Variants in ZNF648 observed in about 807,000 individuals in gnomAD.
The protein encoded by ZNF648 is zinc finger protein 648.
A neutral mutation model predicts 0.3 loss-of-function variants in ZNF648; 1 was observed. The ratio of observed to expected loss-of-function variants is 3.90; its 90% CI spans 1.39 to 18.51. ZNF648 has a LOEUF of 18.51. Ranked by LOEUF, ZNF648 falls within the 30% of genes most tolerant of loss-of-function variation. ZNF648 has a pLI of 0.11. For missense variants in ZNF648, 874 were observed against 769.7 expected (o/e 1.14, Z -1.60); for synonymous variants, 376 against 326.8 (o/e 1.15, Z -1.62).
the ZNF648 span, among the ~76,000 whole-genome samples, chr1:182,069,427 G>GTTCTGCTGCACTGAACGTA: frequency 6.6e-6 from 1 of 152,180 alleles, no homozygotes; most frequent in Non-Finnish European, 1.5e-5. Context: ...AACCAGAGAG[G>GTTCTGCTGCACTGAACGTA]ACCTCTCTTC....
At position 182,057,449 on chromosome 1, in the gene ZNF648, A is replaced by G. The variant is rs1316684286; in HGVS notation, c.562T>C (p.Ser188Pro). Residue 188 changes from serine (S) to proline (P), a missense_variant, in exon 2 of 2, where the codon TCT (serine) becomes CCT (proline). Physicochemically the swap from Ser to Pro is moderately conservative, Grantham distance 74. Transcript: ENST00000339948. ...KSVDTSAGNSSLLCFPRPGSN... is the reference protein window; with the variant it reads ...KSVDTSAGNSPLLCFPRPGSN... Reference sequence around the variant, plus strand: ...CCCGGCCTGGGGAAACACAACAGAGAAGAGTTCCCTGCGGACGTGTCTACA... The same window carrying G: ...CCCGGCCTGGGGAAACACAACAGAGGAGAGTTCCCTGCGGACGTGTCTACA... 1 of 1,614,156 alleles carries G rather than the reference A, an allele frequency of 6.2e-7. No homozygotes were observed.
upstream of ZNF648, among the ~76,000 whole-genome samples, chr1:182,065,490 C>T (rs556666307): frequency 5.3e-4 from 81 of 152,270 alleles, no homozygotes; most frequent in African/African-American, 1.8e-3. Context: ...CCGTAACAAC[C>T]GAGTAATTAG....
At position 182,056,740 on chromosome 1, in the gene ZNF648, G is replaced by C; in HGVS notation, c.1271C>G (p.Thr424Ser). Residue 424 changes from threonine to serine, a missense_variant, in exon 2 of 2, where the codon ACC becomes AGC. Thr to Ser is a moderately conservative substitution (Grantham distance 58, BLOSUM62 1). Coordinates refer to ENST00000339948, the MANE Select transcript of ZNF648 (RefSeq NM_001009992.1). ...HSGERPFPCP[T>S]CGKCFTKSSN... ...GGACTTGGTGAAGCACTTGCCGCAG[G>C]TGGGGCAGGGGAAGGGCCGCTCGCC... The C allele has an allele frequency of 6.3e-7, 1 of 1,577,790 alleles. No individual in the cohort carries two copies. Among genetic ancestry groups the C allele is most frequent in the Non-Finnish European group, 8.6e-7 (1 of 1,161,808 alleles).
chr1:182,068,352 T>G, the ZNF648 span: 1 of 152,238 alleles, frequency 6.6e-6, no homozygotes, highest in Non-Finnish European at 1.5e-5. Flanking sequence ...TCAGTGTTTT[T>G]CAGACTGCAG....
the ZNF648 span, among the ~76,000 whole-genome samples, chr1:182,069,567 A>G: frequency 6.6e-6 from 1 of 152,120 alleles, no homozygotes. Context: ...TTTTGCCTAT[A>G]TTGAACAGTA....
chr1:182,057,792 T>C lies in ZNF648; in HGVS notation c.219A>G (p.Pro73=), dbSNP rs1354678991. The change falls in exon 2 of 2, where the codon CCA becomes CCG. Residue 73 remains proline (P), a synonymous_variant. Transcript: ENST00000339948. The stretch of plus-strand genomic sequence containing the variant: ...AGAATTTCTCTTCCTCTTTGCCCAG[T>C]GGATGGGGCCATGGCAAGTCAGGAT... ...HENPDLPWPH[P]LGKEEEKFSD... 6.2e-7 allele frequency: 1 copy of C among 1,614,072 alleles called. No individual in the cohort carries two copies. Among genetic ancestry groups the C allele is most frequent in the Admixed American group, 1.7e-5 (1 of 60,014 alleles).
chr1:182,056,822 A>C lies in ZNF648; in HGVS notation c.1189T>G (p.Cys397Gly), dbSNP rs1013055512. The change falls in exon 2 of 2, where the codon TGC becomes GGC. Residue 397 changes from cysteine to glycine, a missense_variant. Physicochemically the swap from Cys to Gly is radical, Grantham distance 159. Transcript: ENST00000339948. ...CTGGCCACAGCGAACTCCCGGTCGCAGGCGGGGCAGCGGAAGGGCTTGGCG... is the reference window on the plus strand; with the variant it reads ...CTGGCCACAGCGAACTCCCGGTCGCCGGCGGGGCAGCGGAAGGGCTTGGCG... ...LGAKPFRCPA[C>G]DREFAVASRM... 7 of 1,554,506 alleles carry C rather than the reference A, an allele frequency of 4.5e-6. No individual in the cohort carries two copies. The South Asian group carries it at 7.1e-5, about 16-fold the overall frequency.
Position 182,056,602 on chromosome 1 carries a change from T to G in ZNF648, c.1409A>C (p.His470Pro), listed in dbSNP as rs779035121. The G allele has an allele frequency of 7.4e-6, 12 of 1,613,620 alleles. No homozygotes were observed. Among genetic ancestry groups the G allele is most frequent in the Non-Finnish European group, 7.6e-6 (9 of 1,179,806 alleles). Residue 470 changes from histidine to proline, a missense_variant, in exon 2 of 2, where the codon CAC becomes CCC. Transcript: ENST00000339948. Reference sequence around the variant, plus strand: ...GCAAGGAAAGGGCCTCTCGCCAGTGTGGATGCGCTGGTGGCGCACGAGGCG... The same window carrying G: ...GCAAGGAAAGGGCCTCTCGCCAGTGGGGATGCGCTGGTGGCGCACGAGGCG... The part of the protein sequence containing the change: ...PSRLVRHQRI[H>P]TGERPFPCTQ...
chr1:182,064,991 A>C (rs541856511), upstream of ZNF648: 78 of 152,328 alleles, frequency 5.1e-4, no homozygotes, highest in African/African-American at 1.8e-3. Flanking sequence ...TTTATTGAGC[A>C]GTTACTAGTG....
chr1:182,069,241 C>G, the ZNF648 span: 1 of 152,152 alleles, frequency 6.6e-6, no homozygotes, highest in Non-Finnish European at 1.5e-5. Context: ...ATGCGCTGGC[C>G]AGGGTACAAG....
At position 182,057,751 on chromosome 1, in the gene ZNF648, G is replaced by A. The variant is rs778668253; in HGVS notation, c.260C>T (p.Ala87Val). The A allele has an allele frequency of 2.5e-5, 41 of 1,614,086 alleles. No individual in the cohort carries two copies. The South Asian group carries it at 3.6e-4, about 14-fold the overall frequency. ...CACTGGTTTCTGCCCCATGCCCCCA[G>A]CACTGGAGGAGTCAGAGAATTTCTC... Reference protein sequence around the residue: ...EEEKFSDSSSAGGMGQKPVEM... With the variant: ...EEEKFSDSSSVGGMGQKPVEM... Residue 87 changes from alanine (A) to valine (V), a missense_variant, in exon 2 of 2, where the codon GCT becomes GTT. Ala to Val is a moderately conservative substitution (Grantham distance 64). Transcript: ENST00000339948.
At chr1:182,062,670 G>C (rs188233503), upstream of ZNF648, 1 of 152,224 alleles carries the variant, frequency 6.6e-6, no homozygotes, top group Non-Finnish European at 1.5e-5. Flanking sequence ...ACCCAAAAAC[G>C]TTAGCTGCTT....
rs1665918894 is a variant in ZNF648 at position 182,056,684 on chromosome 1, T to C, written c.1327A>G (p.Thr443Ala). Residue 443 changes from threonine to alanine, a missense_variant, in exon 2 of 2, where the codon ACC becomes GCC. Coordinates refer to ENST00000339948, the MANE Select transcript of ZNF648 (RefSeq NM_001009992.1). ...GCGCACTTGAAAGGCCTCTGGCCGG[T>C]GTGCAGCGTCTGGTGCTCGGACAGA... Reference protein sequence around the residue: ...SNLSEHQTLHTGQRPFKCADC... With the variant: ...SNLSEHQTLHAGQRPFKCADC... 3 of 1,603,158 alleles carry C rather than the reference T, an allele frequency of 1.9e-6. No homozygotes were observed. The highest frequency in any genetic ancestry group is 2.2e-5 in the South Asian group (2 of 89,502).
chr1:182,057,484 GCA>G lies in ZNF648; in HGVS notation c.525_526del (p.His177GlnfsTer69), dbSNP rs751596650. 3.2e-5 allele frequency: 52 copies of G among 1,614,076 alleles called. No individual in the cohort carries two copies. The highest frequency in any genetic ancestry group is 8.5e-6 in the Non-Finnish European group (10 of 1,180,028). On this transcript the variant is annotated frameshift_variant, in exon 2 of 2. Coordinates refer to ENST00000339948, the MANE Select transcript of ZNF648 (RefSeq NM_001009992.1). LOFTEE classifies it low-confidence loss of function (END_TRUNC). Reference sequence around the variant, plus strand: ...TGCGGACGTGTCTACACTTTTGTGCGCACAGAGATACTTTCCATTGCTGGGGA... The same window carrying G: ...TGCGGACGTGTCTACACTTTTGTGCGCAGAGATACTTTCCATTGCTGGGGA...
At chr1:182,068,112 G>A in the ZNF648 span, among the ~76,000 whole-genome samples, 1 of 152,192 alleles carries the variant, frequency 6.6e-6, no homozygotes, top group Admixed American at 6.5e-5. Context: ...AGAACCCTCT[G>A]ATCTCTTGTA....
chr1:182,056,441 G>A lies in ZNF648; in HGVS notation c.1570C>T (p.Arg524Ter), dbSNP rs770806968. 1 of 1,614,038 alleles carries A rather than the reference G, an allele frequency of 6.2e-7. No homozygotes were observed. The highest frequency in any genetic ancestry group is 8.5e-7 in the Non-Finnish European group (1 of 1,179,986). Residue 524 changes from arginine (R) to a stop codon, truncating the protein, a stop_gained, in exon 2 of 2, where the codon CGA becomes TGA. Coordinates refer to ENST00000339948, the MANE Select transcript of ZNF648 (RefSeq NM_001009992.1). LOFTEE classifies it low-confidence loss of function (END_TRUNC). ...RIASELAQHI[R>*]MHNGERPYQC... Reference sequence around the variant, plus strand: ...TAGGGCCTCTCTCCGTTGTGCATTCGTATGTGCTGGGCCAACTCAGAGGCA... The same window carrying A: ...TAGGGCCTCTCTCCGTTGTGCATTCATATGTGCTGGGCCAACTCAGAGGCA...
In ZNF648 at chr1:182,056,939, G is replaced by C. The variant is rs1418585835; in HGVS notation, c.1072C>G (p.His358Asp). 2.5e-6 allele frequency: 4 copies of C among 1,612,296 alleles called. No individual in the cohort carries two copies. The highest frequency in any genetic ancestry group is 2.5e-6 in the Non-Finnish European group (3 of 1,179,252). The change falls in exon 2 of 2, where the codon CAC becomes GAC. Residue 358 changes from histidine to aspartate, a missense_variant. Physicochemically the swap from His to Asp is moderately conservative, Grantham distance 81. Coordinates refer to ENST00000339948, the MANE Select transcript of ZNF648 (RefSeq NM_001009992.1). The stretch of plus-strand genomic sequence containing the variant: ...CACGGGAAGGGCTTATTGTTGCTGT[G>C]CATGTTGCGCTGGTGTTTGCGCAGG... ...SDLRKHQRNM[H>D]SNNKPFPCSE...
In ZNF648 at chr1:182,056,957, T is replaced by G. The variant is rs1235737286; in HGVS notation, c.1054A>C (p.Lys352Gln). 1 of 1,613,536 alleles carries G rather than the reference T, an allele frequency of 6.2e-7. No individual in the cohort carries two copies. The highest frequency in any genetic ancestry group is 1.7e-5 in the Admixed American group (1 of 59,980). Residue 352 changes from lysine (K) to glutamine (Q), a missense_variant, in exon 2 of 2, where the codon AAA (lysine) becomes CAA (glutamine). Physicochemically the swap from Lys to Gln is moderately conservative, Grantham distance 53 (BLOSUM62 1). Coordinates refer to ENST00000339948, the MANE Select transcript of ZNF648 (RefSeq NM_001009992.1). ...KAFVRSSDLR[K>Q]HQRNMHSNNK... is the part of the protein sequence containing the mutation. ...TTGCTGTGCATGTTGCGCTGGTGTTTGCGCAGGTCCGAAGAGCGCACGAAG... is the reference window on the plus strand; with the variant it reads ...TTGCTGTGCATGTTGCGCTGGTGTTGGCGCAGGTCCGAAGAGCGCACGAAG...
upstream of ZNF648, among the ~76,000 whole-genome samples, chr1:182,065,779 C>T (rs1666090274): frequency 6.6e-6 from 1 of 152,218 alleles, no homozygotes; most frequent in African/African-American, 2.4e-5. Context: ...ATGAGTGGCA[C>T]ATAGTGGGTG....
Sources: allele counts gnomAD v4.1 joint callset (sites outside exome capture counted in the v4.1 genomes callset), GRCh38; gene constraint gnomAD v4.1.1; transcripts MANE v1.5; gene names NCBI Gene and HGNC (gene_info 2026-07-23, HGNC 2026-07-21).